The following ELL2 variants were observed in gnomAD, a reference collection of about 807,000 sequenced individuals.
The protein encoded by ELL2 is RNA polymerase II elongation factor ELL2.
In ELL2, 21 loss-of-function variants were observed where a neutral mutation model predicts 72.8. The ratio of observed to expected loss-of-function variants is 0.29; its 90% confidence interval spans 0.20 to 0.42. The LOEUF is 0.42. ELL2 is among the 10% of genes least tolerant of loss of function. The probability of loss-of-function intolerance (pLI) is 1.00; values close to 1 mark genes in which losing one functional copy is unlikely to be tolerated. For missense variants in ELL2, 568 were observed against 772.8 expected (o/e 0.73, Z 3.14); for synonymous variants, 266 against 283.2 (o/e 0.94, Z 0.61).
In ELL2 at chr5:95,895,732, C is replaced by T. The variant is rs137934951; in HGVS notation, c.1526-41G>A. On this transcript the variant is annotated intron_variant, in intron 8 of 11. Transcript: ENST00000237853. ...ACAAAATCAGAGCATTCATCAACTA[C>T]GAAGGTTATCAAATGCCTGTAATTC... The T allele has an allele frequency of 8.2e-3, 12,196 of 1,488,764 alleles. 99 individuals carry two copies. Among genetic ancestry groups the T allele is most frequent in the Middle Eastern group, 0.03 (172 of 5,656 alleles). 92.2% of individuals were successfully genotyped at this position (1,488,764 alleles called of 1,614,324 possible).
At chr5:95,940,518 CAG>C (rs1340383230) in intron 2 of ELL2, among the ~76,000 whole-genome samples, 3 of 152,074 alleles carry the variant, frequency 2.0e-5, no homozygotes, top group Non-Finnish European at 4.4e-5. Flanking sequence ...ATCAGGGAAA[CAG>C]AAAATGATTT....
chr5:95,914,076 T>C lies in ELL2; in HGVS notation c.318-142A>G, dbSNP rs1749699009. On this transcript the variant is annotated intron_variant, in intron 3 of 11. Coordinates refer to ENST00000237853, the MANE Select transcript of ELL2 (RefSeq NM_012081.6). The stretch of plus-strand genomic sequence containing the variant: ...ACTAATATTAATTTTTAAATGTAAA[T>C]GCTATTTAAAATATCTAAGATCCTT... 8 of 682,968 alleles carry C rather than the reference T, an allele frequency of 1.2e-5. No homozygotes were observed. In the South Asian group the frequency reaches 2.5e-4, roughly 21 times the overall value. The allele number at this position is 682,968 out of a possible 1,614,324, so 42.3% of individuals were successfully genotyped here.
intron 2 of ELL2, among the ~76,000 whole-genome samples, chr5:95,941,598 C>T (rs1750971597): frequency 1.3e-5 from 2 of 152,100 alleles, no homozygotes; most frequent in South Asian, 4.1e-4. Context: ...CTTGCATTTC[C>T]CAGGAGAAAG....
chr5:95,889,083 T>TAC lies in ELL2; in HGVS notation c.1806+1_1806+2dup. The TAC allele has an allele frequency of 1.2e-6, 2 of 1,610,440 alleles. No homozygotes were observed. The highest frequency in any genetic ancestry group is 1.7e-6 in the Non-Finnish European group (2 of 1,178,178). On this transcript the variant is annotated splice_region_variant and intron_variant, in intron 11 of 11. Coordinates refer to ENST00000237853, the MANE Select transcript of ELL2 (RefSeq NM_012081.6). Reference sequence around the variant, plus strand: ...TCAGAAAATCAACAGTGATGATACCTACCTGCTTTATCTTCTGATATTCTT... The same window carrying TAC: ...TCAGAAAATCAACAGTGATGATACCTACACCTGCTTTATCTTCTGATATTCTT...
In ELL2 at chr5:95,929,316, C is replaced by T. The variant is rs550800472; in HGVS notation, c.196-9771G>A. 2.7e-5 allele frequency among the ~76,000 whole-genome samples: 4 copies of T among 150,490 alleles called. No homozygotes were observed. In the South Asian group the frequency reaches 6.3e-4, roughly 24 times the overall value. On this transcript the variant is annotated intron_variant, in intron 2 of 11. Transcript: ENST00000237853. ...CTCTGTCGCCCAGGCTGGAGTGCAG[C>T]GGCTCGATCTTGGCTCACTGCAACC...
At chr5:95,950,902 G>T (rs201545870) in intron 1 of ELL2, among the ~76,000 whole-genome samples, 2 of 75,038 alleles carry the variant, frequency 2.7e-5, no homozygotes, top group African/African-American at 4.3e-5. Flanking sequence ...ATGTATGTAT[G>T]TGTATATATA....
intron 5 of ELL2, among the ~76,000 whole-genome samples, chr5:95,903,221 T>C (rs926706670): frequency 1.5e-5 from 2 of 134,472 alleles, no homozygotes; most frequent in Non-Finnish European, 3.2e-5. Flanking sequence ...TTTTTTTTTT[T>C]TTTTTTTTTT....
At chr5:95,917,859 C>T (rs143532349) in intron 3 of ELL2, among the ~76,000 whole-genome samples, 39 of 152,262 alleles carry the variant, frequency 2.6e-4, no homozygotes, top group African/African-American at 8.4e-4. Flanking sequence ...GAGGATTAAG[C>T]TCCTTAATAA....
At chr5:95,959,095 T>C (rs1751720202) in intron 1 of ELL2, among the ~76,000 whole-genome samples, 1 of 152,088 alleles carries the variant, frequency 6.6e-6, no homozygotes, top group Admixed American at 6.6e-5. Flanking sequence ...AACAAAGCAC[T>C]CCCTTCTGGG....
At chr5:95,892,359 C>G (rs1748699275) in intron 9 of ELL2, among the ~76,000 whole-genome samples, 1 of 152,186 alleles carries the variant, frequency 6.6e-6, no homozygotes, top group South Asian at 2.1e-4. Flanking sequence ...GTTGCCCAGT[C>G]TGGTCTCGAA....
At chr5:95,924,128 G>A (rs115453586) in intron 2 of ELL2, among the ~76,000 whole-genome samples, 2,248 of 152,314 alleles carry the variant, frequency 0.015, 29 homozygotes, top group Middle Eastern at 0.037. Flanking sequence ...GGGTGGGTCT[G>A]AGACCTTGTC....
intron 5 of ELL2, among the ~76,000 whole-genome samples, chr5:95,901,450 C>G (rs1749138820): frequency 6.6e-6 from 1 of 152,150 alleles, no homozygotes; most frequent in Admixed American, 6.5e-5. Flanking sequence ...CTCAAACACC[C>G]CCAGTCGATG....
chr5:95,899,384 G>C (rs992569723), intron 7 of ELL2, among the ~76,000 whole-genome samples: 5 of 152,108 alleles, frequency 3.3e-5, no homozygotes, highest in Non-Finnish European at 5.9e-5. Flanking sequence ...ACCTGTCTTA[G>C]AGTGGGAACA....
intron 2 of ELL2, among the ~76,000 whole-genome samples, chr5:95,924,495 A>T (rs1032460372): frequency 2.6e-5 from 4 of 152,224 alleles, no homozygotes; most frequent in African/African-American, 4.8e-5. Flanking sequence ...GTCAGTTGGG[A>T]ATAATTTTTA....
At chr5:95,941,680 T>C (rs1176685694) in intron 2 of ELL2, among the ~76,000 whole-genome samples, 1 of 152,198 alleles carries the variant, frequency 6.6e-6, no homozygotes, top group East Asian at 1.9e-4. Context: ...CCTTATACTC[T>C]TCCTCTAGCC....
intron 1 of ELL2, among the ~76,000 whole-genome samples, chr5:95,951,381 A>AAATG (rs1751395909): frequency 7.2e-6 from 1 of 138,246 alleles, no homozygotes; most frequent in South Asian, 2.3e-4. Flanking sequence ...AAATAAAATA[A>AAATG]AATAAATAAA....
chr5:95,927,448 CAT>C lies in ELL2; in HGVS notation c.196-7905_196-7904del, dbSNP rs1419102730. 2.1e-3 allele frequency among the ~76,000 whole-genome samples: 71 copies of C among 34,424 alleles called. 14 individuals carry two copies. Among genetic ancestry groups the C allele is most frequent in the African/African-American group, 0.017 (46 of 2,648 alleles). The allele number at this position is 34,424 out of a possible 152,430, so 22.6% of individuals were successfully genotyped here. ...ATACACACACACGTGTGTATATAGA[CAT>C]ACACACACACGTGTGTATATAGACA... On this transcript the variant is annotated intron_variant, in intron 2 of 11. Transcript: ENST00000237853.
intron 4 of ELL2, among the ~76,000 whole-genome samples, chr5:95,911,432 G>A (rs1005680680): frequency 6.6e-6 from 1 of 151,998 alleles, no homozygotes; most frequent in Admixed American, 6.5e-5. Context: ...CCACCTCCCG[G>A]ATTCAAGCGA....
chr5:95,903,907 T>C (rs1749246160), intron 5 of ELL2, among the ~76,000 whole-genome samples: 1 of 152,210 alleles, frequency 6.6e-6, no homozygotes, highest in Non-Finnish European at 1.5e-5. Flanking sequence ...ATCCATTCAA[T>C]TGCTCAGCCA....
Sources: allele counts gnomAD v4.1 joint callset (sites outside exome capture counted in the v4.1 genomes callset), GRCh38; gene constraint gnomAD v4.1.1; transcripts MANE v1.5; gene names NCBI Gene and HGNC (gene_info 2026-07-23, HGNC 2026-07-21).